SFMBT2: variants seen among roughly 807,000 people sequenced by gnomAD.
SFMBT2 encodes the protein Scm like with four mbt domains 2.
SFMBT2 carries 38 observed loss-of-function variants against 110.1 expected under a neutral mutation model. The observed-to-expected ratio is 0.35, with a 90% CI of 0.27 to 0.45. The LOEUF is 0.45. Ranked by LOEUF, SFMBT2 falls within the 20% of genes least tolerant of loss-of-function variation. The pLI is 1.00. For synonymous variants in SFMBT2, 425 were observed against 425.4 expected (o/e 1.00, Z 0.01); for missense variants, 1,011 against 1,094.9 (o/e 0.92, Z 1.08).
rs1837879006 is a variant in SFMBT2, at chr10:7,171,821, G to A, written c.2415+74C>T. On this transcript the variant is annotated intron_variant, in intron 19 of 20. Coordinates refer to ENST00000397167, the MANE Select transcript of SFMBT2 (RefSeq NM_001387889.1). The surrounding 1 kb of genome is among the most constrained non-coding windows in gnomAD (Gnocchi z 4.9). Reference sequence around the variant, plus strand: ...TATTTTAAACAGGTTTCCCCACATCGTGGCCCTGAAGTGTAACAGGTGTGC... The same window carrying A: ...TATTTTAAACAGGTTTCCCCACATCATGGCCCTGAAGTGTAACAGGTGTGC... The A allele has an allele frequency of 7.6e-7, 1 of 1,314,252 alleles. No homozygotes were observed. The allele number at this position is 1,314,252 out of a possible 1,614,324, so 81.4% of individuals were successfully genotyped here.
chr10:7,171,540 A>T lies in SFMBT2; in HGVS notation c.2415+355T>A. 5 of 985,390 alleles carry T rather than the reference A, an allele frequency of 5.1e-6. No homozygotes were observed. The highest frequency in any genetic ancestry group is 6.0e-6 in the Non-Finnish European group (5 of 829,914). The allele number at this position is 985,390 out of a possible 1,614,324, so 61.0% of individuals were successfully genotyped here. A position where few individuals can be genotyped will look rare whatever the true frequency, so the allele number is the denominator to read the frequency against. ...ATCACAGAGGTGTCCTATAGAGGGG[A>T]CGTGGGAGCAAGACACAGCGCAGTC... On this transcript the variant is annotated intron_variant, in intron 19 of 20. Coordinates refer to ENST00000397167, the MANE Select transcript of SFMBT2 (RefSeq NM_001387889.1). This position sits in a 1 kb window ranked among gnomAD's most constrained non-coding sequence, Gnocchi z 4.9.
At chr10:7,198,948 A>C (rs1057490425) in intron 14 of SFMBT2, among the ~76,000 whole-genome samples, 1 of 152,118 alleles carries the variant, frequency 6.6e-6, no homozygotes, top group African/African-American at 2.4e-5. Context: ...GAAAAGAGCA[A>C]AACTCTGTCT....
chr10:7,238,084 G>A (rs1276887083), intron 9 of SFMBT2, among the ~76,000 whole-genome samples: 1 of 152,192 alleles, frequency 6.6e-6, no homozygotes, highest in African/African-American at 2.4e-5. Context: ...CTTGGACACA[G>A]GGTGGGGTGG....
intron 13 of SFMBT2, among the ~76,000 whole-genome samples, chr10:7,202,085 C>G (rs138885934): frequency 6.6e-6 from 1 of 152,322 alleles, no homozygotes; most frequent in African/African-American, 2.4e-5. Flanking sequence ...CTGGGCTACT[C>G]TAGGAGAGGT....
intron 1 of SFMBT2, among the ~76,000 whole-genome samples, chr10:7,384,609 C>T (rs1015464378): frequency 6.6e-5 from 10 of 152,098 alleles, no homozygotes; most frequent in African/African-American, 2.4e-4. Context: ...TAGCTGGAAT[C>T]GACACTAAAT....
chr10:7,270,192 G>C lies in SFMBT2; in HGVS notation c.870+6700C>G, dbSNP rs150055371. On this transcript the variant is annotated intron_variant, in intron 7 of 20. Transcript: ENST00000397167. ...ATGTGGAGAAGGCCATGTGAACCTG[G>C]AGGCAGGGAACCGAGGGAGGTGGCC... Among the ~76,000 whole-genome samples the C allele has an allele frequency of 6.4e-3, 967 of 152,274 alleles. 15 individuals carry two copies. Among genetic ancestry groups the C allele is most frequent in the African/African-American group, 0.021 (889 of 41,560 alleles).
chr10:7,317,842 C>A (rs1843062926), intron 4 of SFMBT2, among the ~76,000 whole-genome samples: 1 of 152,036 alleles, frequency 6.6e-6, no homozygotes, highest in Non-Finnish European at 1.5e-5. Context: ...ACAAAAACCC[C>A]TGGTGGGCGT....
At chr10:7,405,919 T>C (rs569276263) in intron 1 of SFMBT2, among the ~76,000 whole-genome samples, 2 of 148,424 alleles carry the variant, frequency 1.3e-5, no homozygotes, top group Admixed American at 6.9e-5. Flanking sequence ...ATTGACTTCC[T>C]GGTTTGTTGT....
At chr10:7,343,366 T>C (rs1399536767) in intron 4 of SFMBT2, among the ~76,000 whole-genome samples, 1 of 152,184 alleles carries the variant, frequency 6.6e-6, no homozygotes, top group Admixed American at 6.5e-5. Context: ...CGTGCATGTG[T>C]CTTTAAGGTA....
Position 7,163,731 on chromosome 10 carries a change from C to G in SFMBT2, c.*39G>C, listed in dbSNP as rs73613403. 2.5e-6 allele frequency: 4 copies of G among 1,575,094 alleles called. No homozygotes were observed. The Admixed American group carries it at 6.8e-5, about 27-fold the overall frequency. On this transcript the variant is annotated 3_prime_UTR_variant, in exon 21 of 21. Transcript: ENST00000397167. This position sits in a 1 kb window ranked among gnomAD's most constrained non-coding sequence, Gnocchi z 4.8. ...CAGTCCTGGAAACCTTTACCAACAC[C>G]GCATCCCAGCAATAATGGGCCACCT...
intron 5 of SFMBT2, 51 bp downstream of exon 5, chr10:7,285,815 C>T (rs369514580): frequency 1.8e-5 from 15 of 846,690 alleles, no homozygotes; most frequent in South Asian, 2.6e-5. Flanking sequence ...TCTGAGCTCA[C>T]GTAACTGGGG....
intron 7 of SFMBT2, among the ~76,000 whole-genome samples, chr10:7,271,428 C>A (rs1462331586): frequency 6.6e-6 from 1 of 151,938 alleles, no homozygotes; most frequent in Non-Finnish European, 1.5e-5. Flanking sequence ...AGGAAAGACA[C>A]AGTCCTTGCC....
At position 7,163,811 on chromosome 10, in the gene SFMBT2, C is replaced by G; in HGVS notation, c.2644G>C (p.Glu882Gln). 6.2e-7 allele frequency: 1 copy of G among 1,614,212 alleles called. No individual in the cohort carries two copies. Among genetic ancestry groups the G allele is most frequent in the Non-Finnish European group, 8.5e-7 (1 of 1,180,048 alleles). The change falls in exon 21 of 21, where the codon GAG becomes CAG. Residue 882 changes from glutamate to glutamine, a missense_variant. Physicochemically the swap from Glu to Gln is conservative, Grantham distance 29. Transcript: ENST00000397167. The surrounding 1 kb of genome is among the most constrained non-coding windows in gnomAD (Gnocchi z 4.8). ...GPAIKLCHQI[E>Q]RVKVAFYAQY... Reference sequence around the variant, plus strand: ...GCGTAGAAAGCCACTTTGACTCTCTCGATCTGGTGGCATAACTTGATGGCA... The same window carrying G: ...GCGTAGAAAGCCACTTTGACTCTCTGGATCTGGTGGCATAACTTGATGGCA...
Position 7,172,088 on chromosome 10 carries a change from C to T in SFMBT2, c.2222G>A (p.Arg741Gln), listed in dbSNP as rs199600207. ...CGACGAGGTGTCCGTCTGGTCATCCCGGAGCTCGGAGCCGGTCTCCTCACT... is the reference window on the plus strand; with the variant it reads ...CGACGAGGTGTCCGTCTGGTCATCCTGGAGCTCGGAGCCGGTCTCCTCACT... ...TASEETGSEL[R>Q]DDQTDTSSAE... Residue 741 changes from arginine to glutamine, a missense_variant, in exon 19 of 21, where the codon CGG becomes CAG. Physicochemically the swap from Arg to Gln is conservative, Grantham distance 43. Around this residue, in one of 2 missense-constraint regions of SFMBT2, gnomAD observed 979 missense variants for 1,016.1 expected, o/e 0.96. Coordinates refer to ENST00000397167, the MANE Select transcript of SFMBT2 (RefSeq NM_001387889.1). The surrounding 1 kb of genome is among the most constrained non-coding windows in gnomAD (Gnocchi z 4.6). 5.0e-5 allele frequency: 80 copies of T among 1,605,982 alleles called. 1 individual carries two copies. The highest frequency in any genetic ancestry group is 3.0e-4 in the South Asian group (27 of 90,208).
intron 4 of SFMBT2, among the ~76,000 whole-genome samples, chr10:7,335,818 A>G (rs1189143251): frequency 2.6e-5 from 4 of 152,234 alleles, no homozygotes; most frequent in Non-Finnish European, 5.9e-5. Flanking sequence ...ATCTGAAAGC[A>G]ACTGGCCAAG....
At chr10:7,164,233 A>C (rs756317279) in intron 20 of SFMBT2, 22 of 717,588 alleles carry the variant, frequency 3.1e-5, no homozygotes, top group Non-Finnish European at 3.8e-5. Context: ...CAAAAAATTT[A>C]AAAATTAGCT....
chr10:7,398,503 C>G (rs1037380856), intron 1 of SFMBT2, among the ~76,000 whole-genome samples: 3 of 152,200 alleles, frequency 2.0e-5, no homozygotes, highest in African/African-American at 7.2e-5. Flanking sequence ...CATCAAGGTA[C>G]TTCTTGTACC....
chr10:7,287,415 G>A (rs1842128122), intron 4 of SFMBT2: 1 of 244,188 alleles, frequency 4.1e-6, no homozygotes, highest in Non-Finnish European at 6.6e-6. Flanking sequence ...AGACTGTGGA[G>A]GGCAACATTC....
chr10:7,228,772 CTCTCTCTCT>C (rs1564395572), intron 9 of SFMBT2, among the ~76,000 whole-genome samples: 3 of 135,400 alleles, frequency 2.2e-5, no homozygotes, highest in Non-Finnish European at 3.4e-5. Context: ...CTCTCTCTCT[CTCTCTCTCT>C]CCCCCTCCCT....
Sources: allele counts gnomAD v4.1 joint callset (sites outside exome capture counted in the v4.1 genomes callset), GRCh38; gene constraint gnomAD v4.1.1; regional missense constraint gnomAD v4.1.1; non-coding constraint Gnocchi (gnomAD v3.1); transcripts MANE v1.5; gene names NCBI Gene and HGNC (gene_info 2026-07-23, HGNC 2026-07-21).